The following PLCE1 variants were observed in gnomAD, a reference collection of about 807,000 sequenced individuals.
The protein encoded by PLCE1 is phospholipase C epsilon 1.
Under a neutral mutation model 242.8 loss-of-function variants are expected in PLCE1, and 119 were observed. That is an observed-to-expected ratio of 0.49 (90% CI 0.42 to 0.57). PLCE1 has a LOEUF of 0.57. Ranked by LOEUF, PLCE1 falls within the 20% of genes least tolerant of loss-of-function variation. PLCE1 has a pLI of 0.00. For missense variants in PLCE1, 2,441 were observed against 2,788.8 expected (o/e 0.88, Z 2.81); for synonymous variants, 945 against 1,017.4 (o/e 0.93, Z 1.35).
At chr10:94,174,050 G>A (rs1258786371) in intron 4 of PLCE1, among the ~76,000 whole-genome samples, 5 of 152,146 alleles carry the variant, frequency 3.3e-5, no homozygotes, top group African/African-American at 9.7e-5. Context: ...TTTACATACT[G>A]TAAAGAAAAG....
In PLCE1 at chr10:94,041,724, G is replaced by T. The variant is rs74149563; in HGVS notation, c.1206+9472G>T. On this transcript the variant is annotated intron_variant, in intron 2 of 32. Transcript: ENST00000371380. ...CTAGCTTCTGTCAGTGGGGGTTCGGGGATGGACATGGTGGTGGAGGGATAG... is the reference window on the plus strand; with the variant it reads ...CTAGCTTCTGTCAGTGGGGGTTCGGTGATGGACATGGTGGTGGAGGGATAG... Among the ~76,000 whole-genome samples, 108 of 152,256 alleles carry T rather than the reference G, an allele frequency of 7.1e-4. 2 individuals carry two copies. Among genetic ancestry groups the T allele is most frequent in the African/African-American group, 2.6e-3 (107 of 41,552 alleles).
In PLCE1 at chr10:94,306,371, TTG is replaced by T. The variant is rs2053206601; in HGVS notation, c.5623-54_5623-53del. The T allele has an allele frequency of 6.8e-6, 11 of 1,613,662 alleles. No homozygotes were observed. The highest frequency in any genetic ancestry group is 9.3e-6 in the Non-Finnish European group (11 of 1,179,758). The stretch of plus-strand genomic sequence containing the variant: ...AGAGGGAAGCAGTGAGGTGCAGAGG[TTG>T]TCTTTCTTTTTTATCCTCGGTGACT... On this transcript the variant is annotated intron_variant, in intron 25 of 32. Transcript: ENST00000371380. The surrounding 1 kb of genome is among the most constrained non-coding windows in gnomAD (Gnocchi z 5.7).
intron 14 of PLCE1, among the ~76,000 whole-genome samples, chr10:94,264,422 G>A (rs896657611): frequency 3.3e-5 from 5 of 152,020 alleles, no homozygotes. Context: ...CAATCATCCG[G>A]GCCTTTTAGA....
intron 29 of PLCE1, among the ~76,000 whole-genome samples, chr10:94,318,555 CT>C (rs2053656474): frequency 6.6e-6 from 1 of 152,148 alleles, no homozygotes; most frequent in African/African-American, 2.4e-5. Context: ...AAGTCTATGG[CT>C]TCCAGGTCAG....
At chr10:94,073,037 G>GC (rs1564664097) in intron 2 of PLCE1, among the ~76,000 whole-genome samples, 1 of 151,736 alleles carries the variant, frequency 6.6e-6, no homozygotes, top group Non-Finnish European at 1.5e-5. Flanking sequence ...TTCCCTCTCT[G>GC]CCCCCCACTT....
At chr10:94,215,071 A>C (rs2049474311) in intron 4 of PLCE1, among the ~76,000 whole-genome samples, 1 of 152,180 alleles carries the variant, frequency 6.6e-6, no homozygotes, top group Non-Finnish European at 1.5e-5. Context: ...GTCATGGACC[A>C]AACTGCCCAT....
chr10:94,199,230 A>G (rs1434487207), intron 4 of PLCE1, among the ~76,000 whole-genome samples: 1 of 152,228 alleles, frequency 6.6e-6, no homozygotes, highest in African/African-American at 2.4e-5. Flanking sequence ...AAATAGGTGA[A>G]TGTAGGTTTT....
chr10:94,242,499 C>T (rs1259038966), intron 7 of PLCE1, among the ~76,000 whole-genome samples: 1 of 151,954 alleles, frequency 6.6e-6, no homozygotes. Flanking sequence ...TTAGTAGAGA[C>T]GGGGTTTTAC....
Position 94,251,915 on chromosome 10 carries a change from C to A in PLCE1, c.3097-401C>A, listed in dbSNP as rs188507823. Reference sequence around the variant, plus strand: ...TGAAAACCTACCTGGCAATAATGGACAAATACAACTTGATTTTACTTAGAT... The same window carrying A: ...TGAAAACCTACCTGGCAATAATGGAAAAATACAACTTGATTTTACTTAGAT... On this transcript the variant is annotated intron_variant, in intron 8 of 32. Coordinates refer to ENST00000371380, the MANE Select transcript of PLCE1 (RefSeq NM_016341.4). 4.8e-4 allele frequency among the ~76,000 whole-genome samples: 73 copies of A among 152,284 alleles called. No individual in the cohort carries two copies. In the Middle Eastern group the frequency reaches 0.014, roughly 28 times the overall value.
intron 2 of PLCE1, among the ~76,000 whole-genome samples, chr10:94,061,574 G>A (rs536520347): frequency 1.9e-4 from 29 of 152,174 alleles, no homozygotes; most frequent in African/African-American, 7.0e-4. Context: ...CACTGTCTAG[G>A]TGTGGCTCAT....
chr10:94,166,258 A>C (rs2047798290), intron 3 of PLCE1, among the ~76,000 whole-genome samples: 1 of 152,254 alleles, frequency 6.6e-6, no homozygotes, highest in South Asian at 2.1e-4. Context: ...CACTTGGTCT[A>C]TATTTTTGCA....
intron 2 of PLCE1, among the ~76,000 whole-genome samples, chr10:94,090,936 G>A (rs2045043461): frequency 6.6e-6 from 1 of 152,178 alleles, no homozygotes; most frequent in Non-Finnish European, 1.5e-5. Context: ...CATTCCAAGA[G>A]TTAAAACATG....
intron 22 of PLCE1, among the ~76,000 whole-genome samples, chr10:94,288,887 A>T (rs2052552449): frequency 1.3e-5 from 2 of 152,204 alleles, no homozygotes; most frequent in Non-Finnish European, 2.9e-5. Flanking sequence ...CTAACAAGCC[A>T]TTTGAATGAC....
intron 8 of PLCE1, among the ~76,000 whole-genome samples, chr10:94,250,400 T>A (rs1039031104): frequency 6.6e-6 from 1 of 150,844 alleles, no homozygotes; most frequent in African/African-American, 2.4e-5. Flanking sequence ...CACCTGGGAA[T>A]TGAGGCAGGA....
chr10:94,045,176 AT>A (rs1435438055), intron 2 of PLCE1, among the ~76,000 whole-genome samples: 4 of 151,736 alleles, frequency 2.6e-5, no homozygotes, highest in African/African-American at 7.3e-5. Context: ...AATTAAAAAA[AT>A]TTTTTTTGTA....
At chr10:94,126,657 G>C (rs2046445501) in intron 2 of PLCE1, among the ~76,000 whole-genome samples, 1 of 152,218 alleles carries the variant, frequency 6.6e-6, no homozygotes, top group Non-Finnish European at 1.5e-5. Context: ...ATGTAGGGCA[G>C]TAGTCTGTCT....
intron 2 of PLCE1, among the ~76,000 whole-genome samples, chr10:94,069,606 C>A (rs1024798512): frequency 6.6e-6 from 1 of 152,070 alleles, no homozygotes; most frequent in African/African-American, 2.4e-5. Flanking sequence ...GAGTGAGACT[C>A]TGTCTAAAAA....
At chr10:94,079,677 G>C (rs1387378756) in intron 2 of PLCE1, among the ~76,000 whole-genome samples, 1 of 152,160 alleles carries the variant, frequency 6.6e-6, no homozygotes, top group Non-Finnish European at 1.5e-5. Context: ...GCCAGTTCAA[G>C]AACCCTCAGG....
intron 1 of PLCE1, among the ~76,000 whole-genome samples, chr10:94,027,987 T>C (rs1329657763): frequency 2.0e-5 from 3 of 152,114 alleles, no homozygotes; most frequent in African/African-American, 7.2e-5. Flanking sequence ...AGAGAAGAGA[T>C]TCTGTAGTCA....
Sources: gnomAD v4.1 joint callset for allele counts (sites outside exome capture counted in the v4.1 genomes callset) on GRCh38, gnomAD v4.1.1 for gene constraint, Gnocchi (gnomAD v3.1) non-coding constraint, MANE v1.5 for transcripts, NCBI Gene and HGNC (gene_info 2026-07-23, HGNC 2026-07-21) for gene names.